The following HPSE2 variants were observed in gnomAD, a reference collection of about 807,000 sequenced individuals.
HPSE2 encodes heparanase 2 (inactive).
HPSE2 carries 38 observed loss-of-function variants against 60.5 expected under a neutral mutation model. The observed-to-expected ratio is 0.63, with a 90% confidence interval of 0.48 to 0.82. The LOEUF (loss-of-function observed/expected upper bound fraction) is 0.82. Among genes scored for constraint, HPSE2 ranks in the 40% least tolerant of loss-of-function variants. The pLI is 0.00. For synonymous variants in HPSE2, 295 were observed against 293.2 expected, an observed-to-expected ratio of 1.01 and a Z score of -0.06; for missense variants, 713 against 740.4, an observed-to-expected ratio of 0.96 and a Z score of 0.43.
Position 98,694,423 on chromosome 10 carries a change from A to G in HPSE2, c.957-476T>C, listed in dbSNP as rs1267319999. Among the ~76,000 whole-genome samples, 4 of 152,202 alleles carry G rather than the reference A, an allele frequency of 2.6e-5. No individual in the cohort carries two copies. In the East Asian group the frequency reaches 7.7e-4, roughly 29 times the overall value. ...AACCCAGTTTATTTATACAAGTAAAAAGTACCATCAAATATGCCCCAGTGA... is the reference window on the plus strand; with the variant it reads ...AACCCAGTTTATTTATACAAGTAAAGAGTACCATCAAATATGCCCCAGTGA... On this transcript the variant is annotated intron_variant, in intron 5 of 11. Transcript: ENST00000370552.
chr10:98,800,970 T>A (rs1950893882), intron 3 of HPSE2, among the ~76,000 whole-genome samples: 1 of 151,912 alleles, frequency 6.6e-6, no homozygotes, highest in African/African-American at 2.4e-5. Flanking sequence ...CATGCAAAAA[T>A]CCTCAACAAA....
chr10:98,686,403 G>C (rs1012949739), intron 6 of HPSE2, among the ~76,000 whole-genome samples: 2 of 151,986 alleles, frequency 1.3e-5, no homozygotes, highest in South Asian at 4.1e-4. Flanking sequence ...TTGATTCATA[G>C]GTTATTTATT....
At chr10:98,983,903 G>A (rs919017931) in intron 3 of HPSE2, among the ~76,000 whole-genome samples, 4 of 152,212 alleles carry the variant, frequency 2.6e-5, no homozygotes, top group Non-Finnish European at 2.9e-5. Context: ...TGCTAGCACA[G>A]CAGTCTGAGA....
intron 9 of HPSE2, among the ~76,000 whole-genome samples, chr10:98,576,731 T>G (rs1944650248): frequency 6.6e-6 from 1 of 152,078 alleles, no homozygotes; most frequent in African/African-American, 2.4e-5. Flanking sequence ...TCCTCCATCC[T>G]GTCCTGCCCC....
At chr10:99,000,707 T>C (rs1956758367) in intron 3 of HPSE2, among the ~76,000 whole-genome samples, 2 of 152,032 alleles carry the variant, frequency 1.3e-5, no homozygotes, top group South Asian at 4.1e-4. Context: ...AAATGGAGGA[T>C]GTAAGACAGA....
chr10:98,579,652 T>G (rs546174720), intron 9 of HPSE2, among the ~76,000 whole-genome samples: 10 of 152,312 alleles, frequency 6.6e-5, no homozygotes, highest in Admixed American at 5.9e-4. Flanking sequence ...TGATAATATT[T>G]GTAATCTATT....
At chr10:98,460,050 C>T (rs1399356853) in intron 11 of HPSE2, among the ~76,000 whole-genome samples, 1 of 152,058 alleles carries the variant, frequency 6.6e-6, no homozygotes, top group Admixed American at 6.5e-5. Context: ...AGGTAGTCTA[C>T]CTCCATAGAC....
intron 3 of HPSE2, among the ~76,000 whole-genome samples, chr10:98,777,625 G>A (rs146428801): frequency 7.9e-5 from 12 of 152,178 alleles, no homozygotes; most frequent in African/African-American, 2.9e-4. Flanking sequence ...TTAATTTGTT[G>A]TTTGTCCTCT....
At chr10:98,836,145 A>G (rs1951785242) in intron 3 of HPSE2, among the ~76,000 whole-genome samples, 1 of 152,230 alleles carries the variant, frequency 6.6e-6, no homozygotes. Flanking sequence ...AGCCTTTCCT[A>G]CAAATAAAGC....
chr10:99,175,571 A>C (rs1307965441), intron 2 of HPSE2, among the ~76,000 whole-genome samples: 1 of 152,164 alleles, frequency 6.6e-6, no homozygotes, highest in Non-Finnish European at 1.5e-5. Context: ...GCCTCTCTAG[A>C]TTCCTCTTCT....
intron 3 of HPSE2, among the ~76,000 whole-genome samples, chr10:98,916,632 TCAAA>T (rs777542011): frequency 1.1e-4 from 17 of 152,218 alleles, no homozygotes; most frequent in Non-Finnish European, 1.8e-4. Context: ...TCACAAAACT[TCAAA>T]CAGTTTCTGG....
chr10:99,272,542 T>C, the HPSE2 span, among the ~76,000 whole-genome samples: 3 of 151,890 alleles, frequency 2.0e-5, no homozygotes, highest in African/African-American at 7.3e-5. Context: ...AAAGGACTGA[T>C]ATCCGGAATC....
Position 98,457,431 on chromosome 10 carries a change from G to C in HPSE2, c.*2143C>G, listed in dbSNP as rs995931862. The C allele has an allele frequency of 6.6e-6, 1 of 152,166 alleles. No homozygotes were observed. The highest frequency in any genetic ancestry group is 1.5e-5 in the Non-Finnish European group (1 of 68,034). The allele number at this position is 152,166 out of a possible 1,614,324, so 9.4% of individuals were successfully genotyped here. On this transcript the variant is annotated 3_prime_UTR_variant, in exon 12 of 12. Coordinates refer to ENST00000370552, the MANE Select transcript of HPSE2 (RefSeq NM_021828.5). ...CCTCTCCATGCCTCGTAGGAAAAAT[G>C]GGGATAACAGTAGTACCCCTTTATC... is the stretch of plus-strand genomic sequence containing the variant.
chr10:98,750,933 C>G (rs1460066899), intron 3 of HPSE2, among the ~76,000 whole-genome samples: 1 of 152,010 alleles, frequency 6.6e-6, no homozygotes, highest in East Asian at 1.9e-4. Context: ...GATAGAGAAC[C>G]TTTTACTGGA....
chr10:99,016,732 T>C lies in HPSE2; in HGVS notation c.610+127506A>G, dbSNP rs143689155. On this transcript the variant is annotated intron_variant, in intron 3 of 11. Transcript: ENST00000370552. ...GAGCAGTGGTTTGTAGTTCTCCTTA[T>C]AGAGATTTTTACCTCCCTAGTTAGC... 5.8e-3 allele frequency among the ~76,000 whole-genome samples: 880 copies of C among 152,206 alleles called. 5 individuals carry two copies. The highest frequency in any genetic ancestry group is 0.02 in the African/African-American group (838 of 41,542).
intron 10 of HPSE2, among the ~76,000 whole-genome samples, chr10:98,486,929 G>A (rs958262134): frequency 1.3e-5 from 2 of 152,114 alleles, no homozygotes; most frequent in African/African-American, 4.8e-5. Context: ...TTTTGTAAGA[G>A]CCATTTGATG....
intron 9 of HPSE2, among the ~76,000 whole-genome samples, chr10:98,526,694 A>G (rs1942977048): frequency 6.6e-6 from 1 of 152,186 alleles, no homozygotes. Context: ...AGGAATTCCA[A>G]ATAAGAGTAC....
intron 9 of HPSE2, among the ~76,000 whole-genome samples, chr10:98,523,107 T>G (rs990883325): frequency 7.3e-5 from 10 of 136,126 alleles, no homozygotes; most frequent in African/African-American, 2.4e-4. Context: ...GGTTTTGTTT[T>G]GTTTTGTTTG....
chr10:98,698,879 T>G (rs1274212744), intron 5 of HPSE2, among the ~76,000 whole-genome samples: 1 of 152,152 alleles, frequency 6.6e-6, no homozygotes, highest in Non-Finnish European at 1.5e-5. Flanking sequence ...ACAAATAAAC[T>G]AGAAAATCTA....
Sources: gnomAD v4.1 joint callset for allele counts (sites outside exome capture counted in the v4.1 genomes callset) on GRCh38, gnomAD v4.1.1 for gene constraint, MANE v1.5 for transcripts, NCBI Gene and HGNC (gene_info 2026-07-23, HGNC 2026-07-21) for gene names.